GRK4: variants seen among roughly 807,000 people sequenced by gnomAD.
GRK4 encodes G protein-coupled receptor kinase 4, also known as G protein-coupled receptor kinase 2-like.
Under a neutral mutation model 77.9 loss-of-function variants are expected in GRK4, and 73 were observed. The observed-to-expected ratio is 0.94, with a 90% CI of 0.78 to 1.14. The LOEUF is 1.14. Ranked by LOEUF, GRK4 falls within the 50% of genes most tolerant of loss-of-function variation. GRK4 has a pLI of 0.00. For missense variants in GRK4, 729 were observed against 700.2 expected (o/e 1.04, Z -0.46); for synonymous variants, 257 against 254.4 (o/e 1.01, Z -0.10).
At position 3,014,327 on chromosome 4, in the gene GRK4, C is replaced by T. The variant is rs55820762; in HGVS notation, c.741+499C>T. Among the ~76,000 whole-genome samples, 1,209 of 132,080 alleles carry T rather than the reference C, an allele frequency of 9.2e-3. 12 individuals are homozygous for T. The highest frequency in any genetic ancestry group is 0.034 in the Middle Eastern group (8 of 234). 86.6% of individuals were successfully genotyped at this position (132,080 alleles called of 152,430 possible). A position where few individuals can be genotyped will look rare whatever the true frequency, so the allele number is the denominator to read the frequency against. On this transcript the variant is annotated intron_variant, in intron 8 of 15. Coordinates refer to ENST00000398052, the MANE Select transcript of GRK4 (RefSeq NM_182982.3). ...TTTTTTTTTTTTTGACACAGGGTTT[C>T]GCTCTGTTGTCCAGGCTGGAGCGCA...
intron 4 of GRK4, among the ~76,000 whole-genome samples, chr4:2,995,113 G>A (rs1459442877): frequency 6.6e-6 from 1 of 152,050 alleles, no homozygotes; most frequent in East Asian, 1.9e-4. Flanking sequence ...GAACATGATC[G>A]TTCTCTTTTT....
At chr4:2,973,753 C>T (rs1002862915) in intron 1 of GRK4, among the ~76,000 whole-genome samples, 9 of 152,132 alleles carry the variant, frequency 5.9e-5, no homozygotes, top group Admixed American at 3.3e-4. Flanking sequence ...CCTGACAGCC[C>T]GTTCTCAGCA....
At chr4:3,031,299 C>A (rs1339854243) in intron 12 of GRK4, among the ~76,000 whole-genome samples, 1 of 152,248 alleles carries the variant, frequency 6.6e-6, no homozygotes, top group East Asian at 1.9e-4. Context: ...TGGTCAGCCC[C>A]TAGTGGGGAG....
At chr4:3,029,681 G>A (rs1242263886) in intron 12 of GRK4, among the ~76,000 whole-genome samples, 2 of 151,612 alleles carry the variant, frequency 1.3e-5, no homozygotes, top group African/African-American at 4.9e-5. Context: ...GAGGACACGC[G>A]TGTTCAGGAG....
chr4:3,039,860 A>G (rs1232165268), intron 15 of GRK4, among the ~76,000 whole-genome samples: 1 of 152,134 alleles, frequency 6.6e-6, no homozygotes, highest in Non-Finnish European at 1.5e-5. Context: ...CTGCATGGAA[A>G]TAAATGCTCC....
At position 3,037,410 on chromosome 4, in the gene GRK4, G is replaced by C. The variant is rs570011807; in HGVS notation, c.1444G>C (p.Glu482Gln). ...AVYCKDVLDI[E>Q]QFSVVKGIYL... ...TTACTGTAAGGACGTCCTGGATATC[G>C]AGCAGTTCTCGGTGGTGAAAGGGAT... The change falls in exon 14 of 16, where the codon GAG (glutamate) becomes CAG (glutamine). Residue 482 changes from glutamate (E) to glutamine (Q), a missense_variant. Coordinates refer to ENST00000398052, the MANE Select transcript of GRK4 (RefSeq NM_182982.3). 4 of 1,609,632 alleles carry C rather than the reference G, an allele frequency of 2.5e-6. No individual in the cohort carries two copies. The highest frequency in any genetic ancestry group is 1.7e-4 in the Middle Eastern group (1 of 6,046).
At chr4:3,037,014 C>T (rs1008003269) in intron 13 of GRK4, among the ~76,000 whole-genome samples, 24 of 150,266 alleles carry the variant, frequency 1.6e-4, no homozygotes, top group Admixed American at 5.9e-4. Flanking sequence ...TTTTGCACTA[C>T]GGAAAGGAGA....
chr4:3,013,583 G>T, intron 7 of GRK4, 105 bp from the exon 8 acceptor site: 1 of 1,365,254 alleles, frequency 7.3e-7, no homozygotes, highest in Non-Finnish European at 1.0e-6. Context: ...ATGCACTGCT[G>T]CTGGTCTCTG....
rs550418525 is a variant in GRK4, at chr4:2,992,493, A to G, written c.339+201A>G. 6.4e-4 allele frequency among the ~76,000 whole-genome samples: 98 copies of G among 152,172 alleles called. 2 individuals are homozygous for G. The highest frequency in any genetic ancestry group is 3.4e-3 in the Middle Eastern group (1 of 294). On this transcript the variant is annotated intron_variant, in intron 4 of 15. Transcript: ENST00000398052. ...CCAGGAGTTCGAGATCAGCATGGCCAACATAGTGAGACCATCTCTACAAAA... is the reference window on the plus strand; with the variant it reads ...CCAGGAGTTCGAGATCAGCATGGCCGACATAGTGAGACCATCTCTACAAAA...
intron 1 of GRK4, among the ~76,000 whole-genome samples, chr4:2,975,115 C>CA (rs947011955): frequency 2.6e-5 from 4 of 152,214 alleles, no homozygotes; most frequent in African/African-American, 9.6e-5. Context: ...CCATCCTGGC[C>CA]AACATGGTGA....
intron 4 of GRK4, among the ~76,000 whole-genome samples, chr4:2,999,727 T>A (rs7696059): frequency 6.6e-6 from 1 of 152,190 alleles, no homozygotes; most frequent in African/African-American, 2.4e-5. Flanking sequence ...AATTAGGCAG[T>A]GACTTCTTAG....
chr4:3,005,064 A>C (rs1014085987), intron 5 of GRK4, among the ~76,000 whole-genome samples: 6 of 151,556 alleles, frequency 4.0e-5, no homozygotes, highest in Admixed American at 6.6e-5. Flanking sequence ...GATTTTTTTC[A>C]GACCTAGGTA....
chr4:3,036,547 G>A (rs770669153), intron 13 of GRK4, among the ~76,000 whole-genome samples: 3 of 152,228 alleles, frequency 2.0e-5, no homozygotes, highest in East Asian at 1.9e-4. Context: ...CACAGCTGCC[G>A]ACTTCCGTGC....
chr4:3,030,668 G>T (rs1183320418), intron 12 of GRK4, among the ~76,000 whole-genome samples: 1 of 151,954 alleles, frequency 6.6e-6, no homozygotes, highest in Non-Finnish European at 1.5e-5. Flanking sequence ...TCGGCCTGCT[G>T]GGCAGAGCAG....
At chr4:3,037,067 GTGTA>G (rs1158862247) in intron 13 of GRK4, among the ~76,000 whole-genome samples, 49 of 91,836 alleles carry the variant, frequency 5.3e-4, no homozygotes, top group South Asian at 8.7e-4. Flanking sequence ...GTGTGTGTGT[GTGTA>G]TGTGTGTGTG....
At chr4:2,972,810 C>T (rs1186293139) in intron 1 of GRK4, among the ~76,000 whole-genome samples, 1 of 152,174 alleles carries the variant, frequency 6.6e-6, no homozygotes, top group Non-Finnish European at 1.5e-5. Flanking sequence ...TCTCGGTTCT[C>T]TGCAGTCTCC....
At chr4:3,014,296 C>CT (rs60684225) in intron 8 of GRK4, among the ~76,000 whole-genome samples, 25,618 of 118,934 alleles carry the variant, frequency 0.22, 3,410 homozygotes, top group East Asian at 0.41. Context: ...CTCTCTCTCT[C>CT]TTTTTTTTTT....
intron 1 of GRK4, among the ~76,000 whole-genome samples, chr4:2,980,101 CTGTT>C (rs1722440651): frequency 6.6e-6 from 1 of 152,230 alleles, no homozygotes; most frequent in Non-Finnish European, 1.5e-5. Context: ...TGCTTTCATC[CTGTT>C]AGGACCAGCT....
chr4:2,967,138 C>T (rs768555223), intron 1 of GRK4, among the ~76,000 whole-genome samples: 6 of 152,182 alleles, frequency 3.9e-5, no homozygotes, highest in African/African-American at 7.2e-5. Context: ...AAAGTGGGCC[C>T]TCACCAGACA....
Sources: allele counts gnomAD v4.1 joint callset (sites outside exome capture counted in the v4.1 genomes callset), GRCh38; gene constraint gnomAD v4.1.1; transcripts MANE v1.5; gene names NCBI Gene and HGNC (gene_info 2026-07-23, HGNC 2026-07-21).